TMEM232: variants seen among roughly 807,000 people sequenced by gnomAD.
TMEM232 encodes transmembrane protein 232.
TMEM232 carries 80 observed loss-of-function variants against 78.8 expected under a neutral mutation model. The observed-to-expected ratio is 1.01, with a 90% CI of 0.85 to 1.22. The LOEUF (loss-of-function observed/expected upper bound fraction) is 1.22, where lower values mean the gene tolerates loss of function less well. Ranked by LOEUF, TMEM232 falls within the 50% of genes most tolerant of loss-of-function variation. TMEM232 has a pLI of 0.00. For synonymous variants in TMEM232, 297 were observed against 254.3 expected, an observed-to-expected ratio of 1.17 and a Z score of -1.60; for missense variants, 881 against 742.2, an observed-to-expected ratio of 1.19 and a Z score of -2.17.
intron 12 of TMEM232, among the ~76,000 whole-genome samples, chr5:110,451,143 G>A (rs886438455): frequency 6.6e-6 from 1 of 152,150 alleles, no homozygotes. Flanking sequence ...TGTTTCTGGA[G>A]CTACTATTAC....
intron 10 of TMEM232, among the ~76,000 whole-genome samples, chr5:110,602,019 A>G (rs1303210394): frequency 1.3e-5 from 2 of 152,202 alleles, no homozygotes; most frequent in African/African-American, 4.8e-5. Context: ...GATCTTCGAC[A>G]AACCTGACAA....
chr5:110,678,117 T>C (rs1457525744), intron 1 of TMEM232, among the ~76,000 whole-genome samples: 1 of 152,160 alleles, frequency 6.6e-6, no homozygotes, highest in Non-Finnish European at 1.5e-5. Flanking sequence ...CAGGCTAGAG[T>C]GCAATGGTGC....
chr5:110,644,803 A>G (rs1396838358), intron 2 of TMEM232, among the ~76,000 whole-genome samples: 1 of 151,708 alleles, frequency 6.6e-6, no homozygotes, highest in African/African-American at 2.4e-5. Context: ...AATCATCAAA[A>G]CTAAGAGCTG....
chr5:110,694,062 G>A (rs992184745), intron 1 of TMEM232, among the ~76,000 whole-genome samples: 3 of 151,936 alleles, frequency 2.0e-5, no homozygotes, highest in East Asian at 1.9e-4. Context: ...GAGAAAGGTC[G>A]GGATACCCAC....
intron 12 of TMEM232, among the ~76,000 whole-genome samples, chr5:110,428,601 G>C (rs1236029248): frequency 6.6e-6 from 1 of 150,902 alleles, no homozygotes; most frequent in East Asian, 2.0e-4. Flanking sequence ...ATGTGCTCCA[G>C]TATGTTTCCA....
At chr5:110,498,608 A>G (rs541651582) in intron 12 of TMEM232, among the ~76,000 whole-genome samples, 69 of 152,284 alleles carry the variant, frequency 4.5e-4, no homozygotes, top group African/African-American at 1.6e-3. Flanking sequence ...AAAGAAAGGG[A>G]ATGCAACTGG....
intron 12 of TMEM232, among the ~76,000 whole-genome samples, chr5:110,522,792 T>C (rs1769741738): frequency 6.6e-6 from 1 of 152,190 alleles, no homozygotes; most frequent in African/African-American, 2.4e-5. Context: ...ATGATTATTT[T>C]AAGATGCTTC....
chr5:110,582,542 T>C (rs150279678), intron 10 of TMEM232, among the ~76,000 whole-genome samples: 7 of 151,926 alleles, frequency 4.6e-5, no homozygotes, highest in Admixed American at 2.6e-4. Flanking sequence ...GTGGCTGAAA[T>C]ACTAATTATT....
chr5:110,597,145 C>T (rs1235991569), intron 10 of TMEM232, among the ~76,000 whole-genome samples: 1 of 152,118 alleles, frequency 6.6e-6, no homozygotes. Flanking sequence ...TCTCCTTAAG[C>T]TGATAAGCAA....
chr5:110,437,720 A>G (rs1056918173), intron 12 of TMEM232, among the ~76,000 whole-genome samples: 7 of 152,114 alleles, frequency 4.6e-5, no homozygotes, highest in African/African-American at 1.7e-4. Context: ...TTTTCCTTCT[A>G]TAATAACTGC....
chr5:110,518,337 T>C (rs978531894), intron 12 of TMEM232, among the ~76,000 whole-genome samples: 5 of 152,152 alleles, frequency 3.3e-5, no homozygotes, highest in African/African-American at 4.8e-5. Context: ...AAAACCAAAG[T>C]ACACTTCAAT....
intron 11 of TMEM232, among the ~76,000 whole-genome samples, chr5:110,553,281 T>A (rs1442582496): frequency 6.6e-6 from 1 of 152,134 alleles, no homozygotes; most frequent in East Asian, 1.9e-4. Flanking sequence ...ATATTGGTAG[T>A]TCAATAGGAA....
At chr5:110,471,617 GAAA>G (rs563884697) in intron 12 of TMEM232, among the ~76,000 whole-genome samples, 1 of 140,718 alleles carries the variant, frequency 7.1e-6, no homozygotes. Context: ...AGTGCTGAAA[GAAA>G]AAAAAAAAGA....
At chr5:110,589,530 G>A (rs1304350563) in intron 10 of TMEM232, among the ~76,000 whole-genome samples, 1 of 152,146 alleles carries the variant, frequency 6.6e-6, no homozygotes, top group Non-Finnish European at 1.5e-5. Context: ...GTTCAGTATA[G>A]GGAGGCAGTT....
chr5:110,696,563 C>A (rs892849095), intron 1 of TMEM232, among the ~76,000 whole-genome samples: 1 of 152,188 alleles, frequency 6.6e-6, no homozygotes, highest in African/African-American at 2.4e-5. Flanking sequence ...CCCATAGTCT[C>A]AGCCCAAAAT....
chr5:110,649,729 A>C (rs1012859885), intron 2 of TMEM232, among the ~76,000 whole-genome samples: 2 of 152,046 alleles, frequency 1.3e-5, no homozygotes, highest in African/African-American at 4.8e-5. Context: ...AGGGCCTTAC[A>C]TTCATTTTTA....
At chr5:110,596,111 G>C (rs886730964) in intron 10 of TMEM232, among the ~76,000 whole-genome samples, 12 of 151,932 alleles carry the variant, frequency 7.9e-5, no homozygotes, top group Admixed American at 3.9e-4. Context: ...AAGAGAGTTG[G>C]GGCCAATATT....
At chr5:110,570,770 CATT>C (rs748791140) in intron 10 of TMEM232, among the ~76,000 whole-genome samples, 3 of 151,992 alleles carry the variant, frequency 2.0e-5, no homozygotes, top group Non-Finnish European at 4.4e-5. Context: ...TTCTAAATCT[CATT>C]ATGTTACTTC....
At chr5:110,648,991 C>T (rs933035440) in intron 2 of TMEM232, among the ~76,000 whole-genome samples, 2 of 151,990 alleles carry the variant, frequency 1.3e-5, no homozygotes, top group Non-Finnish European at 2.9e-5. Flanking sequence ...CATGCTGTTC[C>T]CTGTGCTGTA....
Sources: gnomAD v4.1 joint callset for allele counts (sites outside exome capture counted in the v4.1 genomes callset) on GRCh38, gnomAD v4.1.1 for gene constraint, MANE v1.5 for transcripts, NCBI Gene and HGNC (gene_info 2026-07-23, HGNC 2026-07-21) for gene names.